The following CEACAM21 variants were observed in gnomAD, a reference collection of about 807,000 sequenced individuals.
CEACAM21 encodes cell adhesion molecule CEACAM21.
CEACAM21 carries 38 observed loss-of-function variants against 33.2 expected under a neutral mutation model. The ratio of observed to expected loss-of-function variants is 1.14; its 90% CI spans 0.88 to 1.50. The LOEUF (loss-of-function observed/expected upper bound fraction) is 1.50, where lower values mean the gene tolerates loss of function less well. Among genes scored for constraint, CEACAM21 ranks in the 40% most tolerant of loss-of-function variants. CEACAM21 has a pLI of 0.00. For synonymous variants in CEACAM21, 156 were observed against 143.0 expected (o/e 1.09, Z -0.65); for missense variants, 385 against 364.6 (o/e 1.06, Z -0.46).
chr19:41,576,296 C>T lies in CEACAM21; in HGVS notation c.22C>T (p.Pro8Ser). The T allele has an allele frequency of 6.2e-7, 1 of 1,613,300 alleles. No homozygotes were observed. Reference protein sequence around the residue: MGPPSACPHRECIPWQGL... With the variant: MGPPSACSHRECIPWQGL... Reference sequence around the variant, plus strand: ...GACCATGGGGCCCCCCTCAGCTTGTCCCCACAGAGAATGCATCCCCTGGCA... The same window carrying T: ...GACCATGGGGCCCCCCTCAGCTTGTTCCCACAGAGAATGCATCCCCTGGCA... Residue 8 changes from proline (P) to serine (S), a missense_variant, in exon 1 of 7, where the codon CCC becomes TCC. Transcript: ENST00000401445.
intron 1 of CEACAM21, among the ~76,000 whole-genome samples, chr19:41,559,649 A>T (rs1220870598): frequency 6.6e-6 from 1 of 152,258 alleles, no homozygotes; most frequent in Non-Finnish European, 1.5e-5. Context: ...AGGATTATTA[A>T]GAAAAAGTGA....
intron 1 of CEACAM21, among the ~76,000 whole-genome samples, chr19:41,563,853 T>C (rs1463842427): frequency 2.7e-4 from 41 of 152,160 alleles, no homozygotes; most frequent in Admixed American, 2.7e-3. Flanking sequence ...TGGTGGACTC[T>C]CTATCCCAGG....
At position 41,579,479 on chromosome 19, in the gene CEACAM21, T is replaced by A. The variant is rs1486218161; in HGVS notation, c.551T>A (p.Leu184Gln). Residue 184 changes from leucine to glutamine, a missense_variant, in exon 3 of 7, where the codon CTG becomes CAG. By Grantham distance (113) the Leu-to-Gln change is moderately radical. Transcript: ENST00000401445. ...CAGTGGATTTTCAACAACCAGCGTC[T>A]GCAGGTCACGAAGAGGATGAAGCTG... is the stretch of plus-strand genomic sequence containing the variant. ...SFQWIFNNQR[L>Q]QVTKRMKLSW... is the part of the protein sequence containing the mutation. The A allele has an allele frequency of 6.2e-7, 1 of 1,613,930 alleles. No individual in the cohort carries two copies.
intron 6 of CEACAM21, 163 bp from the exon 7 acceptor site, chr19:41,586,301 A>G (rs553465708): frequency 3.7e-6 from 2 of 540,814 alleles, no homozygotes; most frequent in South Asian, 3.2e-5. Flanking sequence ...TGCAGTGAAA[A>G]TAACAGGAGG....
In CEACAM21 at chr19:41,579,553, G is replaced by A. The variant is rs753744533; in HGVS notation, c.625G>A (p.Ala209Thr). 5.6e-6 allele frequency: 9 copies of A among 1,607,576 alleles called. No individual in the cohort carries two copies. The East Asian group carries it at 6.7e-5, about 12-fold the overall frequency. The stretch of plus-strand genomic sequence containing the variant: ...CATAGACCCCATCAGGCAGGAGGAC[G>A]CTGGGGAGTATCAGTGTGAGGTCTC... Reference protein sequence around the residue: ...LTIDPIRQEDAGEYQCEVSNP... With the variant: ...LTIDPIRQEDTGEYQCEVSNP... The change falls in exon 3 of 7, where the codon GCT becomes ACT. Residue 209 changes from alanine (A) to threonine (T), a missense_variant. Coordinates refer to ENST00000401445, the MANE Select transcript of CEACAM21 (RefSeq NM_001098506.4).
At chr19:41,569,056 A>C (rs1278470874) in intron 2 of CEACAM21, among the ~76,000 whole-genome samples, 2 of 152,210 alleles carry the variant, frequency 1.3e-5, no homozygotes, top group African/African-American at 4.8e-5. Context: ...AGCTATCATA[A>C]AAGATAGCTT....
Position 41,579,506 on chromosome 19 carries a change from C to T in CEACAM21, c.578C>T (p.Ser193Phe). ...RLQVTKRMKL[S>F]WFNHVLTIDP... ...CAGGTCACGAAGAGGATGAAGCTGT[C>T]CTGGTTTAACCATGTGCTCACCATA... Residue 193 changes from serine (S) to phenylalanine (F), a missense_variant, in exon 3 of 7, where the codon TCC (serine) becomes TTC (phenylalanine). Coordinates refer to ENST00000401445, the MANE Select transcript of CEACAM21 (RefSeq NM_001098506.4). The T allele has an allele frequency of 1.2e-6, 2 of 1,613,740 alleles. No individual in the cohort carries two copies. Among genetic ancestry groups the T allele is most frequent in the South Asian group, 1.1e-5 (1 of 91,054 alleles).
rs2043210585 is a variant in CEACAM21, at chr19:41,579,535, C to G, written c.607C>G (p.Pro203Ala). 1 of 1,612,772 alleles carries G rather than the reference C, an allele frequency of 6.2e-7. No individual in the cohort carries two copies. The highest frequency in any genetic ancestry group is 1.3e-5 in the African/African-American group (1 of 74,840). Reference sequence around the variant, plus strand: ...GTTTAACCATGTGCTCACCATAGACCCCATCAGGCAGGAGGACGCTGGGGA... The same window carrying G: ...GTTTAACCATGTGCTCACCATAGACGCCATCAGGCAGGAGGACGCTGGGGA... ...SWFNHVLTID[P>A]IRQEDAGEYQ... The change falls in exon 3 of 7, where the codon CCC becomes GCC. Residue 203 changes from proline (P) to alanine (A), a missense_variant. By Grantham distance (27) the Pro-to-Ala change is conservative. Transcript: ENST00000401445.
At chr19:41,574,273 T>A (rs7257692), upstream of CEACAM21, among the ~76,000 whole-genome samples, 3,621 of 152,320 alleles carry the variant, frequency 0.024, 156 homozygotes, top group African/African-American at 0.083. Flanking sequence ...TAAAACTTAA[T>A]GATCTTGGAT....
At chr19:41,582,859 AT>A (rs1218934599) in intron 3 of CEACAM21, among the ~76,000 whole-genome samples, 3 of 152,106 alleles carry the variant, frequency 2.0e-5, no homozygotes, top group African/African-American at 7.2e-5. Flanking sequence ...CCCTGGAGAC[AT>A]TTTTGCCATT....
intron 1 of CEACAM21, among the ~76,000 whole-genome samples, chr19:41,549,875 T>C (rs189580799): frequency 6.6e-6 from 1 of 152,170 alleles, no homozygotes; most frequent in African/African-American, 2.4e-5. Flanking sequence ...AATTCCTTTT[T>C]AAAAATATTT....
At chr19:41,567,807 G>A (rs8100158) in intron 2 of CEACAM21, among the ~76,000 whole-genome samples, 3,466 of 151,914 alleles carry the variant, frequency 0.023, 145 homozygotes, top group African/African-American at 0.08. Flanking sequence ...TCTCCTGACA[G>A]TAGGGAAGAT....
chr19:41,557,315 T>C (rs2041594563), intron 1 of CEACAM21, among the ~76,000 whole-genome samples: 1 of 152,146 alleles, frequency 6.6e-6, no homozygotes, highest in South Asian at 2.1e-4. Flanking sequence ...CTCTGTGGCG[T>C]GTCACTTAGA....
chr19:41,564,518 A>C (rs2042128451), intron 1 of CEACAM21, among the ~76,000 whole-genome samples: 1 of 152,116 alleles, frequency 6.6e-6, no homozygotes, highest in African/African-American at 2.4e-5. Context: ...GGTCAGGGAA[A>C]AACGGTAGGA....
At chr19:41,584,663 G>A (rs2070585767) in intron 4 of CEACAM21, among the ~76,000 whole-genome samples, 1 of 152,188 alleles carries the variant, frequency 6.6e-6, no homozygotes, top group Admixed American at 6.5e-5. Flanking sequence ...TTAAGGCCAT[G>A]CCCCTGAGCA....
At chr19:41,559,053 G>A (rs1374842337) in intron 1 of CEACAM21, among the ~76,000 whole-genome samples, 5 of 152,140 alleles carry the variant, frequency 3.3e-5, no homozygotes, top group African/African-American at 1.2e-4. Context: ...AAATCAAGCA[G>A]TCAAATGAAT....
chr19:41,575,066 T>C (rs139524436), upstream of CEACAM21, among the ~76,000 whole-genome samples: 172 of 152,326 alleles, frequency 1.1e-3, no homozygotes, highest in African/African-American at 4.0e-3. Context: ...AGTGTTACCC[T>C]AAGAGAAATA....
chr19:41,558,690 C>G (rs1223125023), intron 1 of CEACAM21, among the ~76,000 whole-genome samples: 1 of 152,000 alleles, frequency 6.6e-6, no homozygotes, highest in Non-Finnish European at 1.5e-5. Context: ...TTTATACAAA[C>G]AAATAAATGT....
At chr19:41,577,173 T>C in intron 1 of CEACAM21, 27 bp from the exon 2 acceptor site, 1 of 1,613,016 alleles carries the variant, frequency 6.2e-7, no homozygotes, top group Non-Finnish European at 8.5e-7. Flanking sequence ...AGGTCAAATA[T>C]TGACTGATAT....
Sources: gnomAD v4.1 joint callset for allele counts (sites outside exome capture counted in the v4.1 genomes callset) on GRCh38, gnomAD v4.1.1 for gene constraint, MANE v1.5 for transcripts, NCBI Gene and HGNC (gene_info 2026-07-23, HGNC 2026-07-21) for gene names.